COL23A1: variants seen among roughly 807,000 people sequenced by gnomAD.
The protein encoded by COL23A1 is collagen alpha-1(XXIII) chain.
Under a neutral mutation model 99.3 loss-of-function variants are expected in COL23A1, and 97 were observed. The observed-to-expected ratio is 0.98, with a 90% CI of 0.83 to 1.16. The LOEUF is 1.16. Among genes scored for constraint, COL23A1 ranks in the 50% most tolerant of loss-of-function variants. The pLI is 0.00. For synonymous variants in COL23A1, 320 were observed against 308.2 expected (o/e 1.04, Z -0.40); for missense variants, 762 against 757.4 (o/e 1.01, Z -0.07).
intron 2 of COL23A1, among the ~76,000 whole-genome samples, chr5:178,472,815 G>C (rs1756827206): frequency 6.6e-6 from 1 of 152,058 alleles, no homozygotes; most frequent in Admixed American, 6.6e-5. Flanking sequence ...ACCAACCGCA[G>C]ATTGAAAATA....
intron 2 of COL23A1, among the ~76,000 whole-genome samples, chr5:178,528,364 T>A (rs953635783): frequency 1.3e-5 from 2 of 152,100 alleles, no homozygotes; most frequent in Non-Finnish European, 2.9e-5. Flanking sequence ...ACAGCCTCAT[T>A]TTTCTCCCTG....
intron 2 of COL23A1, among the ~76,000 whole-genome samples, chr5:178,502,184 T>G (rs559517535): frequency 6.6e-5 from 10 of 152,282 alleles, no homozygotes; most frequent in African/African-American, 1.4e-4. Context: ...CAGGCTGGAG[T>G]GCAGTGGCGT....
chr5:178,309,705 C>A lies in COL23A1; in HGVS notation c.362-2786G>T, dbSNP rs932021680. On this transcript the variant is annotated intron_variant, in intron 2 of 28. Transcript: ENST00000390654. This position sits in a 1 kb window ranked among gnomAD's most constrained non-coding sequence, Gnocchi z 4.7. The stretch of plus-strand genomic sequence containing the variant: ...CACCCAAGCAGTCAAGCCAGAGACC[C>A]CCCCCCGGGCATCATCCTGCCCCAG... Among the ~76,000 whole-genome samples the A allele has an allele frequency of 2.6e-5, 4 of 151,602 alleles. No homozygotes were observed. The highest frequency in any genetic ancestry group is 5.9e-5 in the Non-Finnish European group (4 of 67,864).
intron 2 of COL23A1, among the ~76,000 whole-genome samples, chr5:178,393,729 G>A (rs768372366): frequency 4.0e-5 from 6 of 150,094 alleles, no homozygotes; most frequent in Admixed American, 1.3e-4. Context: ...TCCACCTCCC[G>A]GGCTCAAGCG....
At chr5:178,336,028 C>G (rs918923395) in intron 2 of COL23A1, among the ~76,000 whole-genome samples, 1 of 152,104 alleles carries the variant, frequency 6.6e-6, no homozygotes, top group Admixed American at 6.5e-5. Flanking sequence ...CTAATGGGGA[C>G]GAAGAAGCCC....
At chr5:178,271,819 G>A (rs1053860747) in intron 5 of COL23A1, among the ~76,000 whole-genome samples, 11 of 152,204 alleles carry the variant, frequency 7.2e-5, no homozygotes, top group African/African-American at 2.7e-4. Context: ...GTGTGGGGGC[G>A]GGGAGGGCCC....
At chr5:178,242,474 TC>T in intron 25 of COL23A1, 80 bp from the exon 26 acceptor site, 1 of 1,432,994 alleles carries the variant, frequency 7.0e-7, no homozygotes. Context: ...TCTGTTCCTC[TC>T]CCATCCACAC....
chr5:178,354,259 G>A (rs1196668221), intron 2 of COL23A1, among the ~76,000 whole-genome samples: 2 of 152,188 alleles, frequency 1.3e-5, no homozygotes, highest in African/African-American at 4.8e-5. Flanking sequence ...TGCCCAGGCT[G>A]GAGTGCAATC....
chr5:178,287,058 C>T (rs931092197), intron 5 of COL23A1, among the ~76,000 whole-genome samples: 5 of 152,324 alleles, frequency 3.3e-5, no homozygotes, highest in Middle Eastern at 3.4e-3. Context: ...AACTTTCCAG[C>T]GAAAGCCTGT....
intron 2 of COL23A1, among the ~76,000 whole-genome samples, chr5:178,464,151 G>A (rs929011837): frequency 1.3e-5 from 2 of 152,186 alleles, no homozygotes; most frequent in African/African-American, 4.8e-5. Context: ...CCATCACCAC[G>A]TCGACTGCCA....
intron 2 of COL23A1, among the ~76,000 whole-genome samples, chr5:178,356,345 C>A (rs115381898): frequency 6.6e-6 from 1 of 151,682 alleles, no homozygotes; most frequent in South Asian, 2.1e-4. Flanking sequence ...CTGGAGTCTG[C>A]GGTCTGTGAA....
chr5:178,407,163 C>T (rs546124594), intron 2 of COL23A1, among the ~76,000 whole-genome samples: 1 of 152,328 alleles, frequency 6.6e-6, no homozygotes, highest in East Asian at 1.9e-4. Context: ...ACTCCTGCCC[C>T]ACCCAGCAAG....
At chr5:178,410,346 T>C (rs1373462210) in intron 2 of COL23A1, among the ~76,000 whole-genome samples, 1 of 152,178 alleles carries the variant, frequency 6.6e-6, no homozygotes, top group Non-Finnish European at 1.5e-5. Context: ...TCCAGCCACC[T>C]TTTCTGCAAA....
chr5:178,442,763 T>A (rs573059879), intron 2 of COL23A1, among the ~76,000 whole-genome samples: 57 of 152,360 alleles, frequency 3.7e-4, no homozygotes, highest in African/African-American at 1.3e-3. Context: ...CCTGACCTGC[T>A]GTACTCCCCC....
chr5:178,386,217 T>A (rs528917836), intron 2 of COL23A1, among the ~76,000 whole-genome samples: 140 of 152,294 alleles, frequency 9.2e-4, no homozygotes, highest in African/African-American at 3.3e-3. Flanking sequence ...GGCGGGTGGA[T>A]TGTCTGAGCT....
chr5:178,449,492 A>G (rs1419339212), intron 2 of COL23A1, among the ~76,000 whole-genome samples: 1 of 152,156 alleles, frequency 6.6e-6, no homozygotes, highest in Non-Finnish European at 1.5e-5. Flanking sequence ...GCTGTCCTTC[A>G]AGCCTCATGA....
intron 3 of COL23A1, among the ~76,000 whole-genome samples, chr5:178,293,102 C>A (rs1014763464): frequency 1.1e-4 from 17 of 151,888 alleles, no homozygotes; most frequent in Non-Finnish European, 2.2e-4. Flanking sequence ...AGCTCTGCTG[C>A]AAAGGGGAGG....
chr5:178,542,080 G>A (rs575600489), intron 2 of COL23A1, among the ~76,000 whole-genome samples: 1 of 152,152 alleles, frequency 6.6e-6, no homozygotes, highest in African/African-American at 2.4e-5. Flanking sequence ...CTGGAGTGCA[G>A]TGGCACAATC....
At chr5:178,462,971 C>G (rs1045742870) in intron 2 of COL23A1, among the ~76,000 whole-genome samples, 8 of 152,350 alleles carry the variant, frequency 5.3e-5, no homozygotes, top group Non-Finnish European at 1.0e-4. Context: ...GAATAATTAG[C>G]AAAGCAGAAC....
Sources: allele counts gnomAD v4.1 joint callset (sites outside exome capture counted in the v4.1 genomes callset), GRCh38; gene constraint gnomAD v4.1.1; non-coding constraint Gnocchi (gnomAD v3.1); transcripts MANE v1.5; gene names NCBI Gene and HGNC (gene_info 2026-07-23, HGNC 2026-07-21).